Variants in RUNDC3B observed in about 807,000 individuals in gnomAD.
RUNDC3B encodes RUN domain containing 3B.
In RUNDC3B, 33 loss-of-function variants were observed where a neutral mutation model predicts 58.4. The ratio of observed to expected loss-of-function variants is 0.56; its 90% confidence interval spans 0.43 to 0.75. RUNDC3B has a LOEUF of 0.75. Among genes scored for constraint, RUNDC3B ranks in the 30% least tolerant of loss-of-function variants. RUNDC3B has a pLI of 0.00. For missense variants in RUNDC3B, 501 were observed against 535.7 expected (o/e 0.94, Z 0.64); for synonymous variants, 193 against 195.2 (o/e 0.99, Z 0.10).
chr7:87,699,143 C>T (rs1420617983), intron 2 of RUNDC3B, among the ~76,000 whole-genome samples: 1 of 152,098 alleles, frequency 6.6e-6, no homozygotes, highest in Non-Finnish European at 1.5e-5. Context: ...ATGGTGCTTG[C>T]TGACAAGAAC....
At chr7:87,721,687 C>T (rs1830898014) in intron 4 of RUNDC3B, among the ~76,000 whole-genome samples, 1 of 151,982 alleles carries the variant, frequency 6.6e-6, no homozygotes, top group African/African-American at 2.4e-5. Flanking sequence ...TTTTATTGCA[C>T]TTTCTAAGAT....
intron 2 of RUNDC3B, among the ~76,000 whole-genome samples, chr7:87,668,038 TG>T (rs1441888555): frequency 6.6e-6 from 1 of 152,042 alleles, no homozygotes; most frequent in Non-Finnish European, 1.5e-5. Context: ...CTCATTTTTT[TG>T]GAATTATTTC....
chr7:87,704,235 A>G (rs2130714563), intron 3 of RUNDC3B, among the ~76,000 whole-genome samples: 1 of 151,618 alleles, frequency 6.6e-6, no homozygotes, highest in East Asian at 1.9e-4. Flanking sequence ...TTTTCCTTTT[A>G]TGTTTTCTTT....
At chr7:87,782,203 T>G (rs190743020) in intron 8 of RUNDC3B, among the ~76,000 whole-genome samples, 3 of 152,182 alleles carry the variant, frequency 2.0e-5, no homozygotes, top group Admixed American at 1.3e-4. Context: ...TCTTGGGAGA[T>G]TGTGTGTTTC....
chr7:87,791,279 C>A (rs546811087), intron 8 of RUNDC3B, among the ~76,000 whole-genome samples: 15 of 152,180 alleles, frequency 9.9e-5, no homozygotes, highest in Middle Eastern at 6.8e-3. Flanking sequence ...TTCCCAGACA[C>A]ACAAAAGCTG....
chr7:87,740,832 GTTAAC>G (rs992223948), intron 5 of RUNDC3B, among the ~76,000 whole-genome samples: 2 of 152,148 alleles, frequency 1.3e-5, no homozygotes, highest in Non-Finnish European at 2.9e-5. Context: ...CTCTATGGAT[GTTAAC>G]TTTTTATATC....
Position 87,736,441 on chromosome 7 carries a change from A to G in RUNDC3B, c.459-3350A>G, listed in dbSNP as rs564764029. On this transcript the variant is annotated intron_variant, in intron 4 of 10. Transcript: ENST00000394654. ...CATTATAGGAATATATTTCAATTAG[A>G]GTTAAATTATATGTGGTAAAAGAAA... Among the ~76,000 whole-genome samples the G allele has an allele frequency of 2.5e-4, 38 of 152,244 alleles. 1 individual carries two copies. Among genetic ancestry groups the G allele is most frequent in the African/African-American group, 8.9e-4 (37 of 41,574 alleles).
At chr7:87,760,749 T>C (rs1375589071) in intron 6 of RUNDC3B, among the ~76,000 whole-genome samples, 1 of 152,082 alleles carries the variant, frequency 6.6e-6, no homozygotes, top group Non-Finnish European at 1.5e-5. Context: ...TTTCACTAAA[T>C]GATGCTGGGA....
chr7:87,751,806 C>A (rs960295439), intron 6 of RUNDC3B, among the ~76,000 whole-genome samples: 5 of 151,738 alleles, frequency 3.3e-5, no homozygotes, highest in African/African-American at 1.2e-4. Context: ...CTAGACATAC[C>A]ATGTCATCTG....
chr7:87,655,873 T>C (rs192296119), intron 2 of RUNDC3B, among the ~76,000 whole-genome samples: 1 of 152,212 alleles, frequency 6.6e-6, no homozygotes, highest in East Asian at 1.9e-4. Flanking sequence ...AGTGGATTAA[T>C]ACCTCTATAA....
intron 2 of RUNDC3B, among the ~76,000 whole-genome samples, chr7:87,672,795 G>A (rs1237465565): frequency 6.6e-6 from 1 of 152,128 alleles, no homozygotes; most frequent in Non-Finnish European, 1.5e-5. Context: ...TGCTTCCCTG[G>A]GCAGGGGAGG....
At chr7:87,756,770 G>T (rs10276409) in intron 6 of RUNDC3B, among the ~76,000 whole-genome samples, 7,351 of 151,996 alleles carry the variant, frequency 0.048, 263 homozygotes, top group East Asian at 0.091. Flanking sequence ...CTTTCTTGGT[G>T]CATAAAGTAA....
intron 2 of RUNDC3B, among the ~76,000 whole-genome samples, chr7:87,672,546 G>A (rs1423382718): frequency 1.3e-5 from 2 of 152,192 alleles, no homozygotes; most frequent in Non-Finnish European, 1.5e-5. Context: ...CAAGGGGTAT[G>A]TACAGGGGTC....
chr7:87,774,868 A>T (rs141514054), intron 7 of RUNDC3B, among the ~76,000 whole-genome samples: 166 of 152,314 alleles, frequency 1.1e-3, no homozygotes, highest in African/African-American at 3.9e-3. Context: ...ATGATGTTGT[A>T]ACACAGTGCA....
At chr7:87,629,121 C>A in intron 1 of RUNDC3B, 176 bp downstream of exon 1, 1 of 501,072 alleles carries the variant, frequency 2.0e-6, no homozygotes. Flanking sequence ...CGGGTCTGGA[C>A]ACCGTCGCAG....
chr7:87,767,112 A>G (rs1221628870), intron 6 of RUNDC3B, among the ~76,000 whole-genome samples: 2 of 152,040 alleles, frequency 1.3e-5, no homozygotes, highest in East Asian at 1.9e-4. Flanking sequence ...AAAAATATCT[A>G]CCTAACTCAT....
intron 6 of RUNDC3B, among the ~76,000 whole-genome samples, chr7:87,768,154 G>T (rs1834076488): frequency 6.6e-6 from 1 of 152,198 alleles, no homozygotes; most frequent in Admixed American, 6.5e-5. Context: ...AGTAGGAAAA[G>T]CCTTCGCTGC....
At chr7:87,685,527 A>G (rs937159013) in intron 2 of RUNDC3B, among the ~76,000 whole-genome samples, 3 of 152,316 alleles carry the variant, frequency 2.0e-5, no homozygotes, top group Non-Finnish European at 4.4e-5. Flanking sequence ...ATTTCCACAC[A>G]CAACAACATG....
At chr7:87,671,986 A>G (rs1825866893) in intron 2 of RUNDC3B, among the ~76,000 whole-genome samples, 1 of 152,110 alleles carries the variant, frequency 6.6e-6, no homozygotes, top group Non-Finnish European at 1.5e-5. Flanking sequence ...GACCCACTTA[A>G]GCAGTTTGGC....
Sources: gnomAD v4.1 joint callset for allele counts (sites outside exome capture counted in the v4.1 genomes callset) on GRCh38, gnomAD v4.1.1 for gene constraint, MANE v1.5 for transcripts, NCBI Gene and HGNC (gene_info 2026-07-23, HGNC 2026-07-21) for gene names.